LRP1B: variants seen among roughly 807,000 people sequenced by gnomAD.
LRP1B encodes the protein low-density lipoprotein receptor-related protein 1B.
Under a neutral mutation model 556.6 loss-of-function variants are expected in LRP1B, and 217 were observed. The ratio of observed to expected loss-of-function variants is 0.39; its 90% CI spans 0.35 to 0.44. The LOEUF (loss-of-function observed/expected upper bound fraction) is 0.44, where lower values mean the gene tolerates loss of function less well. LRP1B is among the 20% of genes least tolerant of loss of function. The pLI is 1.00. For missense variants in LRP1B, 5,053 were observed against 5,620.8 expected (o/e 0.90, Z 3.23); for synonymous variants, 2,047 against 1,865.8 (o/e 1.10, Z -2.50).
chr2:141,809,551 TG>T (rs1432709810), intron 2 of LRP1B, among the ~76,000 whole-genome samples: 16 of 152,108 alleles, frequency 1.1e-4, no homozygotes, highest in South Asian at 2.1e-4. Context: ...TTAAAAAAAG[TG>T]GGCCATATTT....
At chr2:140,347,263 C>T (rs942130977) in intron 77 of LRP1B, among the ~76,000 whole-genome samples, 1 of 151,640 alleles carries the variant, frequency 6.6e-6, no homozygotes, top group Non-Finnish European at 1.5e-5. Flanking sequence ...TAAATCATGT[C>T]ACTCTTTTAA....
intron 3 of LRP1B, among the ~76,000 whole-genome samples, chr2:141,407,437 C>A (rs948476177): frequency 2.0e-5 from 3 of 152,096 alleles, no homozygotes; most frequent in Non-Finnish European, 2.9e-5. Flanking sequence ...ATGACCCTGC[C>A]AAATCTCAGA....
At chr2:141,827,098 G>T (rs1696957284) in intron 1 of LRP1B, among the ~76,000 whole-genome samples, 1 of 152,142 alleles carries the variant, frequency 6.6e-6, no homozygotes, top group Non-Finnish European at 1.5e-5. Context: ...AGAAAATTTA[G>T]ATTTTAAATA....
intron 3 of LRP1B, among the ~76,000 whole-genome samples, chr2:141,291,210 T>G (rs1298748888): frequency 6.6e-6 from 1 of 152,216 alleles, no homozygotes; most frequent in African/African-American, 2.4e-5. Context: ...ATTAATTTTA[T>G]TAGTGTAACT....
intron 1 of LRP1B, among the ~76,000 whole-genome samples, chr2:141,877,660 T>C (rs1178111907): frequency 6.6e-6 from 1 of 151,824 alleles, no homozygotes; most frequent in Non-Finnish European, 1.5e-5. Flanking sequence ...TCCCTGAAAT[T>C]GAGGGTCTTG....
intron 1 of LRP1B, among the ~76,000 whole-genome samples, chr2:141,897,111 T>C (rs911564827): frequency 2.4e-4 from 36 of 152,138 alleles, no homozygotes; most frequent in Middle Eastern, 3.2e-3. Context: ...ACTTAGAAGA[T>C]TGATTTTAAA....
In LRP1B at chr2:141,851,008, A is replaced by G. The variant is rs1697835255; in HGVS notation, c.83-40607T>C. Reference sequence around the variant, plus strand: ...CCATAAAATATTAACCGCTCACAATAAAATCCCTTCACAAGGAGTGAGAGG... The same window carrying G: ...CCATAAAATATTAACCGCTCACAATGAAATCCCTTCACAAGGAGTGAGAGG... On this transcript the variant is annotated intron_variant, in intron 1 of 90. Transcript: ENST00000389484. Among the ~76,000 whole-genome samples, 4 of 151,764 alleles carry G rather than the reference A, an allele frequency of 2.6e-5. No homozygotes were observed. In the Admixed American group the frequency reaches 2.6e-4, roughly 10 times the overall value.
At chr2:141,629,250 G>A (rs546469828) in intron 2 of LRP1B, among the ~76,000 whole-genome samples, 2 of 152,286 alleles carry the variant, frequency 1.3e-5, no homozygotes, top group African/African-American at 4.8e-5. Context: ...AAAAAGAAAG[G>A]AGGGGTACAA....
At chr2:140,347,783 A>G (rs1309250104) in intron 77 of LRP1B, among the ~76,000 whole-genome samples, 1 of 151,968 alleles carries the variant, frequency 6.6e-6, no homozygotes, top group Non-Finnish European at 1.5e-5. Flanking sequence ...TGCCATAATC[A>G]GCCTGGGGAA....
chr2:140,378,712 C>T (rs113405474), intron 67 of LRP1B, among the ~76,000 whole-genome samples: 1 of 152,092 alleles, frequency 6.6e-6, no homozygotes, highest in Non-Finnish European at 1.5e-5. Context: ...GGCAGTGAGT[C>T]TAGCCTTTGT....
At chr2:141,488,583 C>A (rs1485906450) in intron 2 of LRP1B, among the ~76,000 whole-genome samples, 1 of 151,980 alleles carries the variant, frequency 6.6e-6, no homozygotes, top group African/African-American at 2.4e-5. Context: ...CTCAGCTTCC[C>A]AAGTACCTAG....
chr2:141,139,313 A>C (rs58009401), intron 7 of LRP1B, among the ~76,000 whole-genome samples: 20,541 of 151,896 alleles, frequency 0.14, 1,695 homozygotes, highest in African/African-American at 0.23. Context: ...GCAAAGATTA[A>C]ATTTAACACC....
chr2:140,254,463 C>T (rs140238850), intron 86 of LRP1B, among the ~76,000 whole-genome samples: 14 of 152,184 alleles, frequency 9.2e-5, no homozygotes, highest in Admixed American at 3.9e-4. Context: ...GACATACAAA[C>T]GGTGATCAGA....
At chr2:140,506,954 G>A in intron 52 of LRP1B, 36 bp from the exon 53 acceptor site, 2 of 1,604,214 alleles carry the variant, frequency 1.2e-6, no homozygotes, top group Non-Finnish European at 1.7e-6. Context: ...AGTTAGATGA[G>A]CACATATGTT....
chr2:141,690,680 G>T (rs539316839), intron 2 of LRP1B, among the ~76,000 whole-genome samples: 1 of 150,702 alleles, frequency 6.6e-6, no homozygotes, highest in African/African-American at 2.4e-5. Flanking sequence ...CCTAAAACTG[G>T]CACTCTGATA....
intron 50 of LRP1B, among the ~76,000 whole-genome samples, chr2:140,516,131 T>C (rs1159712920): frequency 6.6e-6 from 1 of 152,064 alleles, no homozygotes; most frequent in Non-Finnish European, 1.5e-5. Flanking sequence ...TAGAAGTTTA[T>C]ATATATTATT....
chr2:140,581,134 G>T (rs1681746123), intron 43 of LRP1B, among the ~76,000 whole-genome samples: 1 of 152,166 alleles, frequency 6.6e-6, no homozygotes, highest in Admixed American at 6.5e-5. Flanking sequence ...CTCTATTTAA[G>T]TTTGATATAA....
At chr2:140,426,185 G>A (rs1685644074) in intron 66 of LRP1B, among the ~76,000 whole-genome samples, 1 of 152,102 alleles carries the variant, frequency 6.6e-6, no homozygotes, top group African/African-American at 2.4e-5. Flanking sequence ...CTTGTGTGTA[G>A]TTCTTCAATT....
intron 7 of LRP1B, among the ~76,000 whole-genome samples, chr2:141,162,545 T>G (rs1367094116): frequency 2.0e-5 from 3 of 152,072 alleles, no homozygotes; most frequent in Non-Finnish European, 4.4e-5. Context: ...TTGACCCAAG[T>G]GTATCATATC....
Sources: allele counts gnomAD v4.1 joint callset (sites outside exome capture counted in the v4.1 genomes callset), GRCh38; gene constraint gnomAD v4.1.1; transcripts MANE v1.5; gene names NCBI Gene and HGNC (gene_info 2026-07-23, HGNC 2026-07-21).